Variants in BORCS5 observed in about 807,000 individuals in gnomAD.
BORCS5 encodes the protein BLOC-1-related complex subunit 5.
In BORCS5, 17 loss-of-function variants were observed where a neutral mutation model predicts 22.1. That is an observed-to-expected ratio of 0.77 (90% CI 0.53 to 1.15). The LOEUF (loss-of-function observed/expected upper bound fraction) is 1.15. BORCS5 is among the 50% of genes most tolerant of loss of function. The probability of loss-of-function intolerance (pLI) is 0.00; values close to 1 mark genes in which losing one functional copy is unlikely to be tolerated. For synonymous variants in BORCS5, 117 were observed against 99.8 expected (o/e 1.17, Z -1.03); for missense variants, 247 against 253.2 (o/e 0.98, Z 0.17).
At chr12:12,368,722 G>A (rs926661383) in intron 2 of BORCS5, among the ~76,000 whole-genome samples, 5 of 151,892 alleles carry the variant, frequency 3.3e-5, no homozygotes, top group African/African-American at 7.3e-5. Context: ...GAGATTACAG[G>A]TGTGACCCAC....
intron 2 of BORCS5, among the ~76,000 whole-genome samples, chr12:12,365,704 T>C (rs1863393334): frequency 6.6e-6 from 1 of 152,108 alleles, no homozygotes; most frequent in East Asian, 1.9e-4. Context: ...GGGGTGGAAA[T>C]GATAAGTTTA....
chr12:12,365,882 C>T (rs532328157), intron 2 of BORCS5, among the ~76,000 whole-genome samples: 14 of 152,270 alleles, frequency 9.2e-5, no homozygotes, highest in Admixed American at 9.2e-4. Context: ...TAGAATAAGA[C>T]TTAGTTTCCA....
intron 2 of BORCS5, among the ~76,000 whole-genome samples, chr12:12,387,066 T>C (rs1057273777): frequency 4.6e-5 from 7 of 151,296 alleles, no homozygotes; most frequent in East Asian, 1.9e-4. Flanking sequence ...TGTGGTCTTA[T>C]TGTGTTGTTA....
At chr12:12,357,622 C>A in intron 1 of BORCS5, 113 bp downstream of exon 1, 1 of 1,169,462 alleles carries the variant, frequency 8.6e-7, no homozygotes, top group Non-Finnish European at 1.2e-6. Flanking sequence ...AAAAAGCCTT[C>A]ACCGTGCTAG....
intron 3 of BORCS5, 89 bp from the exon 4 acceptor site, chr12:12,465,457 G>C (rs940958887): frequency 1.7e-6 from 2 of 1,145,888 alleles, no homozygotes; most frequent in African/African-American, 3.1e-5. Flanking sequence ...TGGATCTGCG[G>C]GACTGTGTCC....
intron 3 of BORCS5, among the ~76,000 whole-genome samples, chr12:12,457,384 G>A (rs991522977): frequency 6.6e-6 from 1 of 152,244 alleles, no homozygotes; most frequent in African/African-American, 2.4e-5. Flanking sequence ...AAACTGGAAT[G>A]TTTGGCCGGG....
intron 2 of BORCS5, among the ~76,000 whole-genome samples, chr12:12,362,296 T>C (rs940111902): frequency 1.3e-5 from 2 of 152,204 alleles, no homozygotes; most frequent in Admixed American, 1.3e-4. Flanking sequence ...AAATCCTATA[T>C]TACACTGTTC....
intron 2 of BORCS5, among the ~76,000 whole-genome samples, chr12:12,395,593 GA>G (rs1941319263): frequency 6.6e-6 from 1 of 151,854 alleles, no homozygotes; most frequent in Admixed American, 6.6e-5. Context: ...GGCAAGGTGG[GA>G]AAATTAGGTT....
At chr12:12,420,071 T>C (rs1007577056) in intron 2 of BORCS5, among the ~76,000 whole-genome samples, 2 of 151,880 alleles carry the variant, frequency 1.3e-5, no homozygotes, top group Admixed American at 6.6e-5. Flanking sequence ...TTGTCAATTT[T>C]GGCTTTTGTT....
intron 2 of BORCS5, among the ~76,000 whole-genome samples, chr12:12,365,330 G>A (rs1489072667): frequency 2.0e-5 from 3 of 151,634 alleles, no homozygotes; most frequent in Non-Finnish European, 4.4e-5. Flanking sequence ...CACCACACCC[G>A]GCTAATTAAA....
At chr12:12,429,129 T>A (rs1283865264) in intron 2 of BORCS5, among the ~76,000 whole-genome samples, 1 of 152,070 alleles carries the variant, frequency 6.6e-6, no homozygotes, top group African/African-American at 2.4e-5. Context: ...TCCAAAAATT[T>A]AAAAAATCTT....
chr12:12,415,569 GAGGGGGAGGGGC>G (rs1941921732), intron 2 of BORCS5, among the ~76,000 whole-genome samples: 1 of 93,408 alleles, frequency 1.1e-5, no homozygotes, highest in Non-Finnish European at 2.2e-5. Context: ...GGGGGAGGGG[GAGGGGGAGGGGC>G]GATTTTGTGG....
intron 1 of BORCS5, 117 bp downstream of exon 1, chr12:12,357,626 G>T: frequency 9.2e-7 from 1 of 1,081,942 alleles, no homozygotes. Context: ...AGCCTTCACC[G>T]TGCTAGTAGG....
intron 2 of BORCS5, among the ~76,000 whole-genome samples, chr12:12,376,005 A>G (rs541083469): frequency 6.6e-6 from 1 of 152,046 alleles, no homozygotes; most frequent in African/African-American, 2.4e-5. Context: ...GGGTTTCGCC[A>G]TGTTGGCCAG....
intron 3 of BORCS5, among the ~76,000 whole-genome samples, chr12:12,453,044 G>A (rs1251962209): frequency 6.6e-6 from 1 of 152,152 alleles, no homozygotes; most frequent in Non-Finnish European, 1.5e-5. Context: ...CGGGATAGCC[G>A]ATGTATAAAA....
In BORCS5 at chr12:12,435,610, T is replaced by C. The variant is rs751295880; in HGVS notation, c.203-18T>C. On this transcript the variant is annotated intron_variant, in intron 2 of 3. Coordinates refer to ENST00000314565, the MANE Select transcript of BORCS5 (RefSeq NM_058169.6). ...TAGCAGTAATTTTAATTTCATTTCATTTTTTTCTCCTTTGAAGGGCTATTG... is the reference window on the plus strand; with the variant it reads ...TAGCAGTAATTTTAATTTCATTTCACTTTTTTCTCCTTTGAAGGGCTATTG... The C allele has an allele frequency of 3.2e-6, 5 of 1,586,274 alleles. No individual in the cohort carries two copies. Among genetic ancestry groups the C allele is most frequent in the Non-Finnish European group, 4.3e-6 (5 of 1,165,790 alleles).
At chr12:12,400,076 G>T (rs1429761673) in intron 2 of BORCS5, among the ~76,000 whole-genome samples, 3 of 152,252 alleles carry the variant, frequency 2.0e-5, no homozygotes, top group Non-Finnish European at 2.9e-5. Flanking sequence ...TCACTACTTA[G>T]AACCTTGGCT....
At chr12:12,388,060 A>G (rs1863920832) in intron 2 of BORCS5, among the ~76,000 whole-genome samples, 1 of 151,576 alleles carries the variant, frequency 6.6e-6, no homozygotes, top group South Asian at 2.1e-4. Context: ...GTAAATTGCT[A>G]TCTCATATGC....
At chr12:12,461,796 C>T (rs931101453) in intron 3 of BORCS5, among the ~76,000 whole-genome samples, 1 of 152,214 alleles carries the variant, frequency 6.6e-6, no homozygotes, top group South Asian at 2.1e-4. Context: ...CCAGGAGAGA[C>T]TTCTGCATGC....
Sources: gnomAD v4.1 joint callset for allele counts (sites outside exome capture counted in the v4.1 genomes callset) on GRCh38, gnomAD v4.1.1 for gene constraint, MANE v1.5 for transcripts, NCBI Gene and HGNC (gene_info 2026-07-23, HGNC 2026-07-21) for gene names.